Variants in LRP1B observed in about 807,000 individuals in gnomAD.
LRP1B encodes the protein low-density lipoprotein receptor-related protein 1B.
In LRP1B, 217 loss-of-function variants were observed where a neutral mutation model predicts 556.6. The observed-to-expected ratio is 0.39, with a 90% confidence interval of 0.35 to 0.44. The LOEUF (loss-of-function observed/expected upper bound fraction) is 0.44, where lower values mean the gene tolerates loss of function less well. Among genes scored for constraint, LRP1B ranks in the 20% least tolerant of loss-of-function variants. LRP1B has a pLI of 1.00. For synonymous variants in LRP1B, 2,047 were observed against 1,865.8 expected (o/e 1.10, Z -2.50); for missense variants, 5,053 against 5,620.8 (o/e 0.90, Z 3.23).
Position 141,015,875 on chromosome 2 carries a change from C to T in LRP1B, c.2011G>A (p.Asp671Asn), listed in dbSNP as rs2105389646. 6.2e-7 allele frequency: 1 copy of T among 1,613,504 alleles called. No homozygotes were observed. Among genetic ancestry groups the T allele is most frequent in the Non-Finnish European group, 8.5e-7 (1 of 1,179,710 alleles). Residue 671 changes from aspartate (D) to asparagine (N), a missense_variant, in exon 13 of 91, where the codon GAC (aspartate) becomes AAC (asparagine). Coordinates refer to ENST00000389484, the MANE Select transcript of LRP1B (RefSeq NM_018557.3). ...GCCTTCTCAATCCTTCCCACGCTGTCATCTATTTCATCTTCCTCCCAGTCT... is the reference window on the plus strand; with the variant it reads ...GCCTTCTCAATCCTTCCCACGCTGTTATCTATTTCATCTTCCTCCCAGTCT... ...WTDWEEDEID[D>N]SVGRIEKAWM...
chr2:141,595,135 A>G (rs890395842), intron 2 of LRP1B, among the ~76,000 whole-genome samples: 11 of 152,244 alleles, frequency 7.2e-5, no homozygotes, highest in Admixed American at 7.2e-4. Flanking sequence ...ATTAAATTTT[A>G]TGCAGTACTG....
intron 1 of LRP1B, among the ~76,000 whole-genome samples, chr2:141,973,167 G>T (rs918137420): frequency 6.6e-6 from 1 of 151,626 alleles, no homozygotes; most frequent in South Asian, 2.1e-4. Flanking sequence ...ATTGTTAAAA[G>T]AATCTAATAT....
In LRP1B at chr2:141,986,134, T is replaced by C. The variant is rs747723474; in HGVS notation, c.82+144514A>G. On this transcript the variant is annotated intron_variant, in intron 1 of 90. Transcript: ENST00000389484. ...TCTGAGGCCCTAAATTCTTATTATG[T>C]TTTTTCATCTTTAAAAGTAGATGTT... 3.6e-4 allele frequency among the ~76,000 whole-genome samples: 54 copies of C among 151,924 alleles called. 1 individual carries two copies. The highest frequency in any genetic ancestry group is 1.4e-3 in the Admixed American group (21 of 15,260).
intron 2 of LRP1B, among the ~76,000 whole-genome samples, chr2:141,499,402 C>T (rs1683632265): frequency 6.6e-6 from 1 of 152,112 alleles, no homozygotes; most frequent in Non-Finnish European, 1.5e-5. Context: ...ACCTACGCCT[C>T]TTACTTGTTC....
intron 1 of LRP1B, among the ~76,000 whole-genome samples, chr2:141,842,084 G>A (rs1376961278): frequency 6.6e-6 from 1 of 152,104 alleles, no homozygotes; most frequent in African/African-American, 2.4e-5. Flanking sequence ...ATGTGTAAGA[G>A]TTGGTTGCTA....
intron 7 of LRP1B, among the ~76,000 whole-genome samples, chr2:141,070,969 C>A (rs369281579): frequency 0.02 from 2,979 of 151,768 alleles, 33 homozygotes; most frequent in African/African-American, 0.023. Flanking sequence ...TATTCCAATC[C>A]ATAGAAAAAG....
intron 7 of LRP1B, among the ~76,000 whole-genome samples, chr2:141,137,163 T>C (rs1701511678): frequency 6.6e-6 from 1 of 152,008 alleles, no homozygotes; most frequent in South Asian, 2.1e-4. Context: ...TTATAATTTT[T>C]AAATGCTTTG....
At chr2:140,566,188 A>G (rs548461609) in intron 43 of LRP1B, among the ~76,000 whole-genome samples, 2 of 152,210 alleles carry the variant, frequency 1.3e-5, no homozygotes, top group African/African-American at 4.8e-5. Context: ...AAGCCATTCC[A>G]CAAGTAGCTG....
chr2:140,480,154 A>G (rs1156459321), intron 59 of LRP1B, among the ~76,000 whole-genome samples: 1 of 152,210 alleles, frequency 6.6e-6, no homozygotes, highest in Non-Finnish European at 1.5e-5. Flanking sequence ...CAGTCATATG[A>G]TGTTAAATGT....
chr2:140,345,076 A>G (rs1681583212), intron 77 of LRP1B, among the ~76,000 whole-genome samples: 1 of 151,604 alleles, frequency 6.6e-6, no homozygotes, highest in Non-Finnish European at 1.5e-5. Flanking sequence ...TGCTGCCAAC[A>G]TTTTGCTCAG....
At chr2:140,489,125 C>A (rs1688596386) in intron 57 of LRP1B, among the ~76,000 whole-genome samples, 1 of 151,944 alleles carries the variant, frequency 6.6e-6, no homozygotes, top group Non-Finnish European at 1.5e-5. Context: ...AAGGTTCTGG[C>A]AAATACTGCT....
chr2:141,183,340 A>G (rs926799762), intron 7 of LRP1B, among the ~76,000 whole-genome samples: 13 of 152,156 alleles, frequency 8.5e-5, no homozygotes, highest in Non-Finnish European at 1.3e-4. Context: ...CCAACTTCAC[A>G]TAACAACCCA....
intron 60 of LRP1B, among the ~76,000 whole-genome samples, chr2:140,471,365 C>A (rs1249895607): frequency 2.0e-5 from 3 of 152,158 alleles, no homozygotes; most frequent in African/African-American, 7.2e-5. Context: ...AATAGAGCAT[C>A]ATAACATAGA....
At chr2:142,029,110 C>A (rs1470783764) in intron 1 of LRP1B, among the ~76,000 whole-genome samples, 1 of 151,718 alleles carries the variant, frequency 6.6e-6, no homozygotes, top group Non-Finnish European at 1.5e-5. Flanking sequence ...TCTGTCCCTA[C>A]CCTTGACCAA....
intron 23 of LRP1B, among the ~76,000 whole-genome samples, chr2:140,900,761 T>G (rs73964742): frequency 0.064 from 9,771 of 152,086 alleles, 326 homozygotes; most frequent in East Asian, 0.11. Flanking sequence ...AAAACAGCCA[T>G]TTAAAAATGT....
chr2:141,481,056 T>C (rs748930717), intron 2 of LRP1B, among the ~76,000 whole-genome samples: 3 of 152,202 alleles, frequency 2.0e-5, no homozygotes, highest in Non-Finnish European at 4.4e-5. Context: ...GTTATAAATG[T>C]ATTTATGTAT....
In LRP1B at chr2:141,982,873, C is replaced by A. The variant is rs559633787; in HGVS notation, c.82+147775G>T. The stretch of plus-strand genomic sequence containing the variant: ...AATGTAGTATTTGAAAAGGAGCATC[C>A]ATTTTCTTTTATGCTAAACAAGCTT... On this transcript the variant is annotated intron_variant, in intron 1 of 90. Transcript: ENST00000389484. Among the ~76,000 whole-genome samples the A allele has an allele frequency of 5.3e-5, 8 of 152,204 alleles. No homozygotes were observed. In the South Asian group the frequency reaches 1.7e-3, roughly 32 times the overall value.
At chr2:140,370,098 G>T (rs988158557) in intron 71 of LRP1B, among the ~76,000 whole-genome samples, 2 of 151,972 alleles carry the variant, frequency 1.3e-5, no homozygotes, top group African/African-American at 4.8e-5. Context: ...TAATATGGTG[G>T]TTTAAAACTA....
chr2:140,334,402 T>C (rs772849988), intron 79 of LRP1B, 51 bp downstream of exon 79: 1 of 1,106,608 alleles, frequency 9.0e-7, no homozygotes, highest in South Asian at 1.2e-5. Flanking sequence ...CTGTTAACAG[T>C]AATATACTTG....
Sources: gnomAD v4.1 joint callset for allele counts (sites outside exome capture counted in the v4.1 genomes callset) on GRCh38, gnomAD v4.1.1 for gene constraint, MANE v1.5 for transcripts, NCBI Gene and HGNC (gene_info 2026-07-23, HGNC 2026-07-21) for gene names.